STXBP5L: variants seen among roughly 807,000 people sequenced by gnomAD.
The protein encoded by STXBP5L is syntaxin-binding protein 5-like.
Under a neutral mutation model 144.5 loss-of-function variants are expected in STXBP5L, and 65 were observed. The observed-to-expected ratio is 0.45, with a 90% confidence interval of 0.37 to 0.55. The LOEUF is 0.55. STXBP5L is among the 20% of genes least tolerant of loss of function. The pLI, the probability that STXBP5L is intolerant of heterozygous loss-of-function variation, is 0.00. For missense variants in STXBP5L, 1,298 were observed against 1,405.5 expected, an observed-to-expected ratio of 0.92 and a Z score of 1.22; for synonymous variants, 505 against 469.6, an observed-to-expected ratio of 1.08 and a Z score of -0.97.
chr3:121,262,759 C>T (rs1240228426), intron 18 of STXBP5L, among the ~76,000 whole-genome samples: 1 of 152,092 alleles, frequency 6.6e-6, no homozygotes, highest in African/African-American at 2.4e-5. Context: ...GGGATCAGCA[C>T]AAGGTAAACA....
Position 121,013,116 on chromosome 3 carries a change from A to C in STXBP5L, c.288-28584A>C, listed in dbSNP as rs138884274. Among the ~76,000 whole-genome samples the C allele has an allele frequency of 4.3e-3, 649 of 151,990 alleles. 5 individuals are homozygous for C. Among genetic ancestry groups the C allele is most frequent in the African/African-American group, 0.015 (619 of 41,510 alleles). ...CTATCATTGATGGGCACCTGGGTTG[A>C]TTCCATGTTCTTGCTATTATGAATA... On this transcript the variant is annotated intron_variant, in intron 3 of 26. Coordinates refer to ENST00000471454, the MANE Select transcript of STXBP5L (RefSeq NM_001308330.2).
At chr3:121,150,712 T>C (rs2045901495) in intron 7 of STXBP5L, among the ~76,000 whole-genome samples, 1 of 152,158 alleles carries the variant, frequency 6.6e-6, no homozygotes, top group African/African-American at 2.4e-5. Context: ...TTTTATTGCT[T>C]AAGTTATATT....
chr3:121,000,619 C>T (rs1017071993), intron 3 of STXBP5L, among the ~76,000 whole-genome samples: 1 of 152,158 alleles, frequency 6.6e-6, no homozygotes, highest in Non-Finnish European at 1.5e-5. Flanking sequence ...TCTGTCATTT[C>T]AGCCATTTCA....
chr3:121,277,397 T>C (rs1415384484), intron 18 of STXBP5L, among the ~76,000 whole-genome samples: 5 of 152,090 alleles, frequency 3.3e-5, no homozygotes, highest in Admixed American at 2.6e-4. Flanking sequence ...ATTCAGAGGA[T>C]AGCATTCTCT....
At chr3:121,162,510 G>A (rs1409901681) in intron 9 of STXBP5L, among the ~76,000 whole-genome samples, 2 of 152,100 alleles carry the variant, frequency 1.3e-5, no homozygotes, top group African/African-American at 2.4e-5. Flanking sequence ...ATAGGCATGG[G>A]CAAAGACTTC....
intron 3 of STXBP5L, among the ~76,000 whole-genome samples, chr3:120,996,317 ATAGT>A (rs1427337847): frequency 2.0e-5 from 3 of 151,906 alleles, no homozygotes; most frequent in African/African-American, 7.2e-5. Flanking sequence ...ATTTTTAGTG[ATAGT>A]TATTTTTAAT....
intron 7 of STXBP5L, among the ~76,000 whole-genome samples, chr3:121,121,957 A>T (rs1024989006): frequency 2.0e-5 from 3 of 151,068 alleles, no homozygotes; most frequent in Non-Finnish European, 4.5e-5. Flanking sequence ...TGAGAACGAT[A>T]ACATGTAGAA....
At chr3:121,211,369 G>A (rs977727044) in intron 10 of STXBP5L, among the ~76,000 whole-genome samples, 6 of 152,082 alleles carry the variant, frequency 3.9e-5, no homozygotes, top group Non-Finnish European at 8.8e-5. Flanking sequence ...CATGTCATCT[G>A]TAAACAGGGA....
intron 23 of STXBP5L, 102 bp downstream of exon 23, chr3:121,407,705 CTG>C (rs1158956184): frequency 1.4e-6 from 2 of 1,417,016 alleles, no homozygotes; most frequent in Middle Eastern, 3.7e-4. Context: ...AAGAAGCAAA[CTG>C]AGATTATTGT....
In STXBP5L at chr3:121,349,137, C is replaced by T. The variant is rs189518119; in HGVS notation, c.2177-29579C>T. 3.3e-3 allele frequency among the ~76,000 whole-genome samples: 504 copies of T among 152,122 alleles called. 7 individuals are homozygous for T. Among genetic ancestry groups the T allele is most frequent in the African/African-American group, 0.011 (438 of 41,464 alleles). On this transcript the variant is annotated intron_variant, in intron 20 of 26. Transcript: ENST00000471454. The stretch of plus-strand genomic sequence containing the variant: ...TCTACACACTGCTTTAAATGTGTCC[C>T]GGAGATTCTGGTACGTTGTGTCTTT...
chr3:120,923,259 G>T (rs531198414), intron 2 of STXBP5L, among the ~76,000 whole-genome samples: 1 of 151,508 alleles, frequency 6.6e-6, no homozygotes, highest in South Asian at 2.1e-4. Context: ...CTAGCTAAAG[G>T]TTTGTCTATT....
At chr3:121,194,604 C>G (rs1421393759) in intron 9 of STXBP5L, among the ~76,000 whole-genome samples, 1 of 152,026 alleles carries the variant, frequency 6.6e-6, no homozygotes, top group African/African-American at 2.4e-5. Flanking sequence ...GAAGTGTTTC[C>G]TCCTCTTCTG....
At chr3:121,332,796 G>A (rs1353154468) in intron 20 of STXBP5L, among the ~76,000 whole-genome samples, 1 of 151,756 alleles carries the variant, frequency 6.6e-6, no homozygotes, top group African/African-American at 2.4e-5. Context: ...TTGCAAAAAG[G>A]ACATCACCAA....
chr3:121,221,643 C>T (rs1355757921), intron 10 of STXBP5L, among the ~76,000 whole-genome samples: 1 of 151,408 alleles, frequency 6.6e-6, no homozygotes, highest in Admixed American at 6.6e-5. Flanking sequence ...TATAAATATA[C>T]ATTTTATAGA....
intron 10 of STXBP5L, among the ~76,000 whole-genome samples, chr3:121,210,750 G>T (rs2048529955): frequency 6.6e-6 from 1 of 152,048 alleles, no homozygotes; most frequent in South Asian, 2.1e-4. Flanking sequence ...TAGATGTGTG[G>T]TATTATTTCT....
At chr3:121,252,798 G>T (rs916791401) in intron 15 of STXBP5L, among the ~76,000 whole-genome samples, 2 of 152,028 alleles carry the variant, frequency 1.3e-5, no homozygotes, top group Admixed American at 6.6e-5. Context: ...TTATACCTTC[G>T]CTGGGTCCTT....
At chr3:120,998,652 GT>G (rs2108023143) in intron 3 of STXBP5L, among the ~76,000 whole-genome samples, 1 of 152,130 alleles carries the variant, frequency 6.6e-6, no homozygotes, top group African/African-American at 2.4e-5. Context: ...CTGTTTTTCT[GT>G]TAGTTTGCTG....
At chr3:120,995,045 C>T (rs779146405) in intron 3 of STXBP5L, among the ~76,000 whole-genome samples, 1 of 152,000 alleles carries the variant, frequency 6.6e-6, no homozygotes, top group African/African-American at 2.4e-5. Context: ...CCTCAACCTA[C>T]TTTTAAAAAT....
chr3:121,196,222 C>T (rs1194457773), intron 9 of STXBP5L, among the ~76,000 whole-genome samples: 4 of 150,708 alleles, frequency 2.7e-5, no homozygotes, highest in Non-Finnish European at 5.9e-5. Flanking sequence ...TGCAGTGGCA[C>T]AATCTTGGCT....
Sources: gnomAD v4.1 joint callset for allele counts (sites outside exome capture counted in the v4.1 genomes callset) on GRCh38, gnomAD v4.1.1 for gene constraint, MANE v1.5 for transcripts, NCBI Gene and HGNC (gene_info 2026-07-23, HGNC 2026-07-21) for gene names.